ADGRF4: variants seen among roughly 807,000 people sequenced by gnomAD.
ADGRF4 encodes the protein adhesion G protein-coupled receptor F4.
In ADGRF4, 63 loss-of-function variants were observed where a neutral mutation model predicts 58.5. The observed-to-expected ratio is 1.08, with a 90% CI of 0.88 to 1.33. ADGRF4 has a LOEUF of 1.33. ADGRF4 is among the 40% of genes most tolerant of loss of function. The pLI, the probability that ADGRF4 is intolerant of heterozygous loss-of-function variation, is 0.00. For synonymous variants in ADGRF4, 313 were observed against 295.4 expected (o/e 1.06, Z -0.61); for missense variants, 931 against 843.9 (o/e 1.10, Z -1.28).
intron 9 of ADGRF4, 136 bp downstream of exon 9, chr6:47,718,581 A>T: frequency 1.5e-6 from 1 of 672,152 alleles, no homozygotes; most frequent in Non-Finnish European, 2.7e-6. Flanking sequence ...TCTTTTTCAA[A>T]GAATGGAAAC....
rs1771740293 is a variant in ADGRF4, at chr6:47,707,358, A to G, written c.93+20A>G. On this transcript the variant is annotated intron_variant, in intron 2 of 9. Transcript: ENST00000283303. ...CTAAAAGTAAGTTTGATCTATTCCT[A>G]TGTGATCCGAGGAGAAATCTCTCAG... 4.2e-6 allele frequency: 6 copies of G among 1,422,040 alleles called. No individual in the cohort carries two copies. The South Asian group carries it at 5.7e-5, about 14-fold the overall frequency. 88.1% of individuals were successfully genotyped at this position (1,422,040 alleles called of 1,614,324 possible).
intron 6 of ADGRF4, 149 bp from the exon 7 acceptor site, chr6:47,716,657 T>A: frequency 1.5e-6 from 1 of 661,524 alleles, no homozygotes; most frequent in Non-Finnish European, 2.7e-6. Context: ...GGAACACCCA[T>A]CAGTGCATTT....
chr6:47,702,610 T>A (rs567349747), intron 1 of ADGRF4, among the ~76,000 whole-genome samples: 20 of 152,356 alleles, frequency 1.3e-4, no homozygotes, highest in Admixed American at 1.1e-3. Context: ...CCAGCATTAT[T>A]CTGTCACAAT....
chr6:47,705,448 A>C (rs934041539), intron 1 of ADGRF4, among the ~76,000 whole-genome samples: 1 of 152,218 alleles, frequency 6.6e-6, no homozygotes, highest in Non-Finnish European at 1.5e-5. Context: ...CCACATTCAT[A>C]ATCCCAGCTC....
Position 47,714,466 on chromosome 6 carries a change from T to G in ADGRF4, c.1221T>G (p.Ile407Met), listed in dbSNP as rs1391213967. The change falls in exon 6 of 10, where the codon ATT becomes ATG. Residue 407 changes from isoleucine to methionine, a missense_variant. Ile to Met is a conservative substitution (Grantham distance 10). Transcript: ENST00000283303. ...AAGTTCTGGACTACATCACCTGCAT[T>G]GGGCTCAGCGTCTCAATCCTAAGCT... ...TDKVLDYITC[I>M]GLSVSILSLV... The G allele has an allele frequency of 6.2e-7, 1 of 1,614,186 alleles. No homozygotes were observed. Among genetic ancestry groups the G allele is most frequent in the East Asian group, 2.2e-5 (1 of 44,872 alleles).
In ADGRF4 at chr6:47,714,913, C is replaced by T; in HGVS notation, c.1668C>T (p.Thr556=). The change falls in exon 6 of 10, where the codon ACC becomes ACT. Residue 556 remains threonine (T), a synonymous_variant. Transcript: ENST00000283303. ...PEACWLNWDN[T]KALLAFAIPA... ...CCTGTTGGCTTAACTGGGACAATAC[C>T]AAAGCCCTTTTAGCATTTGCCATCC... is the stretch of plus-strand genomic sequence containing the variant. The T allele has an allele frequency of 1.9e-6, 3 of 1,613,428 alleles. No individual in the cohort carries two copies. Among genetic ancestry groups the T allele is most frequent in the Non-Finnish European group, 1.7e-6 (2 of 1,179,384 alleles).
At chr6:47,708,603 T>G (rs572446058) in intron 3 of ADGRF4, among the ~76,000 whole-genome samples, 12 of 152,320 alleles carry the variant, frequency 7.9e-5, no homozygotes, top group African/African-American at 2.9e-4. Flanking sequence ...TATTTCTTCC[T>G]TCATTCAAAG....
intron 1 of ADGRF4, among the ~76,000 whole-genome samples, chr6:47,704,426 G>T (rs1175595938): frequency 6.6e-6 from 1 of 152,106 alleles, no homozygotes; most frequent in Non-Finnish European, 1.5e-5. Context: ...AGAGGAATTG[G>T]GTTTGCCTTC....
At chr6:47,699,937 C>G (rs1026095643) in intron 1 of ADGRF4, among the ~76,000 whole-genome samples, 1 of 151,236 alleles carries the variant, frequency 6.6e-6, no homozygotes, top group African/African-American at 2.4e-5. Context: ...CGACACACCC[C>G]CCCCCCCAAA....
chr6:47,701,824 A>G (rs550126857), intron 1 of ADGRF4, among the ~76,000 whole-genome samples: 3 of 152,296 alleles, frequency 2.0e-5, no homozygotes, highest in Admixed American at 1.3e-4. Context: ...ATTTCTGATT[A>G]CTTATTTATT....
rs73485558 is a variant in ADGRF4, at chr6:47,716,417, C to T, written c.1933-389C>T. Among the ~76,000 whole-genome samples the T allele has an allele frequency of 2.6e-3, 394 of 152,182 alleles. 3 individuals carry two copies. The highest frequency in any genetic ancestry group is 0.02 in the Middle Eastern group (6 of 294). ...TCAAAGTAGACTAGAATATAAGTTT[C>T]GTTTTCTTAAGACACCTTCCATGAT... On this transcript the variant is annotated intron_variant, in intron 6 of 9. Transcript: ENST00000283303.
intron 1 of ADGRF4, among the ~76,000 whole-genome samples, chr6:47,704,309 G>A (rs1274985524): frequency 6.6e-6 from 1 of 151,956 alleles, no homozygotes; most frequent in East Asian, 1.9e-4. Context: ...GGGATTACAG[G>A]GATGAGCCAC....
Position 47,718,498 on chromosome 6 carries a change from C to G in ADGRF4, c.*3+53C>G, listed in dbSNP as rs146748843. 792 of 1,044,484 alleles carry G rather than the reference C, an allele frequency of 7.6e-4. 4 individuals are homozygous for G. The African/African-American group carries it at 9.0e-3, about 12-fold the overall frequency. 64.7% of individuals were successfully genotyped at this position (1,044,484 alleles called of 1,614,324 possible). The stretch of plus-strand genomic sequence containing the variant: ...TTCACTTGCAATTTGTGTCAATCCA[C>G]CAATGCCCCTTGTGACCACACTATT... On this transcript the variant is annotated intron_variant, in intron 9 of 9. Transcript: ENST00000283303.
chr6:47,717,279 ATTGCTTC>A lies in ADGRF4; in HGVS notation c.1975-10_1975-4del, dbSNP rs767170880. 1 of 1,595,906 alleles carries A rather than the reference ATTGCTTC, an allele frequency of 6.3e-7. No homozygotes were observed. The highest frequency in any genetic ancestry group is 8.6e-7 in the Non-Finnish European group (1 of 1,163,334). On this transcript the variant is annotated splice_polypyrimidine_tract_variant and splice_region_variant and intron_variant, in intron 7 of 9. Transcript: ENST00000283303. ...CATCTGTGAGGTACTTCTCATTGTCATTGCTTCTTTAGATAAGAGATGCTTTGAGGAT... is the reference window on the plus strand; with the variant it reads ...CATCTGTGAGGTACTTCTCATTGTCATTTAGATAAGAGATGCTTTGAGGAT...
rs116416948 is a variant in ADGRF4 at position 47,711,077 on chromosome 6, T to C, written c.300+191T>C. Among the ~76,000 whole-genome samples, 648 of 150,224 alleles carry C rather than the reference T, an allele frequency of 4.3e-3. 3 individuals carry two copies. The highest frequency in any genetic ancestry group is 0.014 in the African/African-American group (566 of 40,812). On this transcript the variant is annotated intron_variant, in intron 4 of 9. Coordinates refer to ENST00000283303, the MANE Select transcript of ADGRF4 (RefSeq NM_153838.5). ...TTTCAGGTACTCTCCCTCCTCTCTATATGCTCTCTATTTCTCCCGCTAAGA... is the reference window on the plus strand; with the variant it reads ...TTTCAGGTACTCTCCCTCCTCTCTACATGCTCTCTATTTCTCCCGCTAAGA...
At chr6:47,703,653 A>C (rs562663594) in intron 1 of ADGRF4, among the ~76,000 whole-genome samples, 463 of 152,356 alleles carry the variant, frequency 3.0e-3, no homozygotes, top group Middle Eastern at 0.024. Flanking sequence ...GTAGCAAATT[A>C]ATTAATCAAA....
chr6:47,710,641 C>A, intron 3 of ADGRF4, 94 bp from the exon 4 acceptor site: 3 of 1,359,796 alleles, frequency 2.2e-6, no homozygotes, highest in South Asian at 1.4e-5. Flanking sequence ...GGAAGCAATC[C>A]AAAAATCTCC....
At position 47,714,573 on chromosome 6, in the gene ADGRF4, T is replaced by A; in HGVS notation, c.1328T>A (p.Ile443Asn). 1 of 1,614,080 alleles carries A rather than the reference T, an allele frequency of 6.2e-7. No individual in the cohort carries two copies. Among genetic ancestry groups the A allele is most frequent in the Non-Finnish European group, 8.5e-7 (1 of 1,179,978 alleles). The change falls in exon 6 of 10, where the codon ATC becomes AAC. Residue 443 changes from isoleucine to asparagine, a missense_variant. Ile to Asn is a moderately radical substitution (Grantham distance 149, BLOSUM62 -3). Transcript: ENST00000283303. ...ATATCATACATGCGTCACGTGTGCATCGTGAATATAGCAGTGTCCCTTCTG... is the reference window on the plus strand; with the variant it reads ...ATATCATACATGCGTCACGTGTGCAACGTGAATATAGCAGTGTCCCTTCTG... ...TEISYMRHVC[I>N]VNIAVSLLTA... is the part of the protein sequence containing the mutation.
At chr6:47,707,153 T>C in intron 1 of ADGRF4, 77 bp from the exon 2 acceptor site, 1 of 823,588 alleles carries the variant, frequency 1.2e-6, no homozygotes, top group South Asian at 1.4e-5. Context: ...CACTAAGGGG[T>C]TGGTTAGCCG....
Sources: gnomAD v4.1 joint callset for allele counts (sites outside exome capture counted in the v4.1 genomes callset) on GRCh38, gnomAD v4.1.1 for gene constraint, MANE v1.5 for transcripts, NCBI Gene and HGNC (gene_info 2026-07-23, HGNC 2026-07-21) for gene names.